The following ATP8A2 variants were observed in gnomAD, a reference collection of about 807,000 sequenced individuals.
The protein encoded by ATP8A2 is ATPase phospholipid transporting 8A2.
Under a neutral mutation model 165.6 loss-of-function variants are expected in ATP8A2, and 100 were observed. The observed-to-expected ratio is 0.60, with a 90% confidence interval of 0.51 to 0.71. The LOEUF is 0.71. ATP8A2 is among the 30% of genes least tolerant of loss of function. The pLI is 0.00. For synonymous variants in ATP8A2, 543 were observed against 548.8 expected (o/e 0.99, Z 0.15); for missense variants, 1,227 against 1,479.5 (o/e 0.83, Z 2.80).
intron 24 of ATP8A2, among the ~76,000 whole-genome samples, chr13:25,647,031 G>C (rs552136978): frequency 8.5e-5 from 13 of 152,236 alleles, no homozygotes; most frequent in African/African-American, 3.1e-4. Context: ...CCCATTTTAT[G>C]TTTTTAATGT....
chr13:25,891,576 G>A (rs1953361595), intron 33 of ATP8A2, among the ~76,000 whole-genome samples: 1 of 152,050 alleles, frequency 6.6e-6, no homozygotes, highest in Non-Finnish European at 1.5e-5. Flanking sequence ...TGCCTACCTT[G>A]GCCTCCCAAA....
chr13:25,888,067 G>GACCCC (rs1953217797), intron 33 of ATP8A2, among the ~76,000 whole-genome samples: 1 of 107,784 alleles, frequency 9.3e-6, no homozygotes, highest in Non-Finnish European at 2.1e-5. Context: ...AAAGAACCCA[G>GACCCC]ACCCCCCCCC....
intron 24 of ATP8A2, among the ~76,000 whole-genome samples, chr13:25,617,628 G>T (rs1377819997): frequency 1.3e-5 from 2 of 152,146 alleles, no homozygotes; most frequent in Admixed American, 1.3e-4. Flanking sequence ...GTGTTCCCTT[G>T]ACTTTGCTGT....
At chr13:25,713,112 C>T (rs1008447778) in intron 25 of ATP8A2, among the ~76,000 whole-genome samples, 6 of 152,180 alleles carry the variant, frequency 3.9e-5, no homozygotes, top group Admixed American at 2.6e-4. Flanking sequence ...ATAGAATTCT[C>T]CCCTTTCCCA....
chr13:25,868,441 G>A (rs1326739791), intron 33 of ATP8A2, among the ~76,000 whole-genome samples: 1 of 152,206 alleles, frequency 6.6e-6, no homozygotes, highest in Non-Finnish European at 1.5e-5. Context: ...CCTATCAGCA[G>A]AGATTCACCT....
intron 35 of ATP8A2, among the ~76,000 whole-genome samples, chr13:26,006,774 A>G (rs951370240): frequency 3.3e-5 from 5 of 151,986 alleles, no homozygotes; most frequent in African/African-American, 9.7e-5. Context: ...TGAAATGATC[A>G]TGTGATATTT....
chr13:25,974,667 C>T (rs1248731832), intron 35 of ATP8A2, among the ~76,000 whole-genome samples: 1 of 152,116 alleles, frequency 6.6e-6, no homozygotes, highest in African/African-American at 2.4e-5. Context: ...CTATGCCGGT[C>T]CTTGCCACTC....
At chr13:25,733,352 A>G (rs2043695730) in intron 25 of ATP8A2, among the ~76,000 whole-genome samples, 1 of 152,218 alleles carries the variant, frequency 6.6e-6, no homozygotes, top group African/African-American at 2.4e-5. Context: ...CGCTAATGGT[A>G]TCACTCTCCT....
intron 35 of ATP8A2, among the ~76,000 whole-genome samples, chr13:25,987,250 A>G (rs1466664890): frequency 6.6e-6 from 1 of 152,200 alleles, no homozygotes; most frequent in Non-Finnish European, 1.5e-5. Context: ...AGGTACCAAG[A>G]GTAAGGTAAT....
chr13:25,479,203 T>C (rs960482911), intron 2 of ATP8A2, among the ~76,000 whole-genome samples: 1 of 152,244 alleles, frequency 6.6e-6, no homozygotes, highest in African/African-American at 2.4e-5. Context: ...GGTATACATG[T>C]GCTATCATTG....
intron 24 of ATP8A2, among the ~76,000 whole-genome samples, chr13:25,593,655 T>C (rs1283514284): frequency 6.6e-6 from 1 of 152,218 alleles, no homozygotes; most frequent in African/African-American, 2.4e-5. Flanking sequence ...CCTGGCACAC[T>C]GACCAGAAAT....
intron 25 of ATP8A2, among the ~76,000 whole-genome samples, chr13:25,734,344 A>G (rs1002963529): frequency 1.3e-5 from 2 of 152,240 alleles, no homozygotes; most frequent in South Asian, 4.1e-4. Context: ...ATTTGCAAGG[A>G]CTTGATCACA....
At chr13:25,976,086 T>TTTTTG (rs1014404156) in intron 35 of ATP8A2, among the ~76,000 whole-genome samples, 8 of 152,136 alleles carry the variant, frequency 5.3e-5, no homozygotes, top group South Asian at 2.1e-4. Flanking sequence ...TTCTCTTGTT[T>TTTTTG]TTTTGTTTTG....
chr13:25,723,376 TA>T (rs2043425813), intron 25 of ATP8A2, among the ~76,000 whole-genome samples: 3 of 152,114 alleles, frequency 2.0e-5, no homozygotes, highest in Non-Finnish European at 4.4e-5. Context: ...CTCCTTTCTC[TA>T]ACTTTATACT....
Position 25,442,559 on chromosome 13 carries a change from G to A in ATP8A2, c.77-26418G>A, listed in dbSNP as rs372738541. The stretch of plus-strand genomic sequence containing the variant: ...CTCCTGAGTAGCTGGGACTATGGGT[G>A]CACACCACCGTACCTGCCTAATTAA... On this transcript the variant is annotated intron_variant, in intron 1 of 36. Transcript: ENST00000381655. 6.6e-5 allele frequency among the ~76,000 whole-genome samples: 10 copies of A among 152,228 alleles called. No individual in the cohort carries two copies. The South Asian group carries it at 2.1e-3, about 32-fold the overall frequency.
At chr13:25,613,496 G>A (rs895907794) in intron 24 of ATP8A2, among the ~76,000 whole-genome samples, 26 of 152,028 alleles carry the variant, frequency 1.7e-4, no homozygotes, top group African/African-American at 6.0e-4. Flanking sequence ...ATTGCTTGAA[G>A]CTGGGAGGTG....
chr13:25,767,995 C>T (rs914437041), intron 25 of ATP8A2, among the ~76,000 whole-genome samples: 3 of 142,032 alleles, frequency 2.1e-5, no homozygotes, highest in African/African-American at 7.9e-5. Flanking sequence ...GCGTGAAGTC[C>T]ATATGTGGGC....
intron 36 of ATP8A2, among the ~76,000 whole-genome samples, chr13:26,019,514 C>T (rs2139379961): frequency 6.6e-6 from 1 of 152,348 alleles, no homozygotes; most frequent in Non-Finnish European, 1.5e-5. Context: ...GGCTGCCCTA[C>T]AGCATCAGGC....
chr13:25,505,752 T>C (rs1272858432), intron 2 of ATP8A2, among the ~76,000 whole-genome samples: 2 of 152,204 alleles, frequency 1.3e-5, no homozygotes, highest in Non-Finnish European at 2.9e-5. Flanking sequence ...ACATAACTTA[T>C]TATTATTATA....
Sources: allele counts gnomAD v4.1 joint callset (sites outside exome capture counted in the v4.1 genomes callset), GRCh38; gene constraint gnomAD v4.1.1; transcripts MANE v1.5; gene names NCBI Gene and HGNC (gene_info 2026-07-23, HGNC 2026-07-21).